Variants in DPYD observed in about 807,000 individuals in gnomAD.
DPYD encodes dihydropyrimidine dehydrogenase.
A neutral mutation model predicts 116.2 loss-of-function variants in DPYD; 109 were observed. The ratio of observed to expected loss-of-function variants is 0.94; its 90% CI spans 0.80 to 1.10. The LOEUF is 1.10. Among genes scored for constraint, DPYD ranks in the 50% least tolerant of loss-of-function variants. DPYD has a pLI of 0.00. For missense variants in DPYD, 1,302 were observed against 1,254.5 expected, an observed-to-expected ratio of 1.04 and a Z score of -0.57; for synonymous variants, 440 against 432.0, an observed-to-expected ratio of 1.02 and a Z score of -0.23.
At chr1:97,292,700 GCACGCGCGCGCA>G (rs2100992073) in intron 18 of DPYD, among the ~76,000 whole-genome samples, 1 of 134,450 alleles carries the variant, frequency 7.4e-6, no homozygotes, top group Admixed American at 8.2e-5. Context: ...ACACATGCGT[GCACGCGCGCGCA>G]CACGCGCGAG....
At chr1:97,196,872 A>G (rs1177902729) in intron 19 of DPYD, among the ~76,000 whole-genome samples, 2 of 152,298 alleles carry the variant, frequency 1.3e-5, no homozygotes, top group East Asian at 3.9e-4. Context: ...CCAAATGCAT[A>G]CGTTTTTAAA....
intron 7 of DPYD, among the ~76,000 whole-genome samples, chr1:97,687,578 A>G (rs1660802062): frequency 6.6e-6 from 1 of 152,204 alleles, no homozygotes; most frequent in African/African-American, 2.4e-5. Flanking sequence ...CAATTCCTCA[A>G]AGACATAGAA....
intron 4 of DPYD, among the ~76,000 whole-genome samples, chr1:97,722,991 A>C (rs1314341235): frequency 6.6e-6 from 1 of 151,656 alleles, no homozygotes; most frequent in Non-Finnish European, 1.5e-5. Flanking sequence ...AAAGACTTTT[A>C]AAAATAACCT....
chr1:97,415,822 GGGTATGGCTTTTA>G lies in DPYD; in HGVS notation c.1906-33374_1906-33362del, dbSNP rs151183423. ...TCCTATAGCATGTGCAGCTTGTACA[GGGTATGGCTTTTA>G]GGAAGTAATATCATTTTAAAATTAA... On this transcript the variant is annotated intron_variant, in intron 14 of 22. Transcript: ENST00000370192. Among the ~76,000 whole-genome samples, 1,053 of 152,254 alleles carry G rather than the reference GGGTATGGCTTTTA, an allele frequency of 6.9e-3. 5 individuals carry two copies. Among genetic ancestry groups the G allele is most frequent in the East Asian group, 0.019 (101 of 5,182 alleles).
chr1:97,420,362 G>C (rs1674516121), intron 14 of DPYD, among the ~76,000 whole-genome samples: 1 of 152,186 alleles, frequency 6.6e-6, no homozygotes, highest in African/African-American at 2.4e-5. Context: ...GAAGATGAAA[G>C]AGTCTGTGTT....
At chr1:97,601,860 T>C (rs1655270183) in intron 8 of DPYD, among the ~76,000 whole-genome samples, 1 of 152,048 alleles carries the variant, frequency 6.6e-6, no homozygotes, top group Non-Finnish European at 1.5e-5. Flanking sequence ...ATATAACACA[T>C]ATGAAATTAG....
intron 13 of DPYD, among the ~76,000 whole-genome samples, chr1:97,471,411 T>C (rs1364112163): frequency 6.6e-6 from 1 of 152,124 alleles, no homozygotes; most frequent in Non-Finnish European, 1.5e-5. Context: ...ATGGACTTAC[T>C]TTAACAAATT....
chr1:97,546,933 AGAAGAGGAG>A, intron 12 of DPYD: 1 of 1,607,234 alleles, frequency 6.2e-7, no homozygotes, highest in Non-Finnish European at 8.5e-7. Flanking sequence ...GCTTTGAGGA[AGAAGAGGAG>A]GAAGAGGAAG....
At chr1:97,172,993 C>T (rs1054280027) in intron 20 of DPYD, among the ~76,000 whole-genome samples, 4 of 151,892 alleles carry the variant, frequency 2.6e-5, no homozygotes, top group African/African-American at 7.3e-5. Context: ...TCCATAACTC[C>T]GATAGCATAA....
intron 21 of DPYD, among the ~76,000 whole-genome samples, chr1:97,086,750 TA>T (rs752140111): frequency 3.7e-3 from 4 of 1,094 alleles, no homozygotes; most frequent in African/African-American, 5.6e-3. Flanking sequence ...TGAACCATTG[TA>T]AAATAAAAAA....
intron 18 of DPYD, among the ~76,000 whole-genome samples, chr1:97,271,203 G>A (rs1289942985): frequency 6.6e-6 from 1 of 152,158 alleles, no homozygotes; most frequent in East Asian, 1.9e-4. Context: ...GAGCACAGCT[G>A]AGCCTGGGGG....
intron 3 of DPYD, among the ~76,000 whole-genome samples, chr1:97,744,654 C>T (rs115752416): frequency 5.6e-4 from 85 of 152,092 alleles, no homozygotes; most frequent in African/African-American, 1.9e-3. Flanking sequence ...ATTAACATTG[C>T]ATTTCCTTAG....
intron 3 of DPYD, among the ~76,000 whole-genome samples, chr1:97,792,743 T>C (rs1483300594): frequency 6.6e-6 from 1 of 152,184 alleles, no homozygotes; most frequent in Non-Finnish European, 1.5e-5. Flanking sequence ...TCTTAGTTCT[T>C]GTCCTCCCAA....
chr1:97,737,071 T>C (rs1273365279), intron 4 of DPYD, among the ~76,000 whole-genome samples: 1 of 152,168 alleles, frequency 6.6e-6, no homozygotes, highest in Non-Finnish European at 1.5e-5. Context: ...ACTTATCTAC[T>C]TTCCGTTTCT....
At chr1:97,771,882 A>G (rs1025505680) in intron 3 of DPYD, among the ~76,000 whole-genome samples, 6 of 152,152 alleles carry the variant, frequency 3.9e-5, no homozygotes, top group African/African-American at 1.4e-4. Flanking sequence ...GTTTTATCTT[A>G]CAAAATATAT....
chr1:97,128,977 A>G (rs904178171), intron 20 of DPYD, among the ~76,000 whole-genome samples: 1 of 152,098 alleles, frequency 6.6e-6, no homozygotes, highest in Non-Finnish European at 1.5e-5. Flanking sequence ...ACTTTGTCCA[A>G]GCCGGAGCTT....
chr1:97,757,104 T>C (rs1665293955), intron 3 of DPYD, among the ~76,000 whole-genome samples: 1 of 152,200 alleles, frequency 6.6e-6, no homozygotes, highest in Non-Finnish European at 1.5e-5. Flanking sequence ...AGGACATTCA[T>C]TCATTCAACG....
rs75661146 is a variant in DPYD at position 97,747,919 on chromosome 1, G to A, written c.234-7440C>T. Among the ~76,000 whole-genome samples, 13 of 152,176 alleles carry A rather than the reference G, an allele frequency of 8.5e-5. No homozygotes were observed. The East Asian group carries it at 2.1e-3, about 25-fold the overall frequency. Reference sequence around the variant, plus strand: ...GATAACTTGTACATCAAATTGTTGCGATAATTTTTAAAGATTATACCCTTA... The same window carrying A: ...GATAACTTGTACATCAAATTGTTGCAATAATTTTTAAAGATTATACCCTTA... On this transcript the variant is annotated intron_variant, in intron 3 of 22. Transcript: ENST00000370192.
At chr1:97,334,000 T>A (rs1024134555) in intron 16 of DPYD, among the ~76,000 whole-genome samples, 4 of 152,180 alleles carry the variant, frequency 2.6e-5, no homozygotes. Context: ...GTTAATAGCA[T>A]TATAAACGAC....
Sources: allele counts gnomAD v4.1 joint callset (sites outside exome capture counted in the v4.1 genomes callset), GRCh38; gene constraint gnomAD v4.1.1; transcripts MANE v1.5; gene names NCBI Gene and HGNC (gene_info 2026-07-23, HGNC 2026-07-21).